AGPAT4: variants seen among roughly 807,000 people sequenced by gnomAD.
The protein encoded by AGPAT4 is 1-acylglycerol-3-phosphate O-acyltransferase 4.
Under a neutral mutation model 48.0 loss-of-function variants are expected in AGPAT4, and 15 were observed. The ratio of observed to expected loss-of-function variants is 0.31; its 90% CI spans 0.21 to 0.48. AGPAT4 has a LOEUF of 0.48. Ranked by LOEUF, AGPAT4 falls within the 20% of genes least tolerant of loss-of-function variation. AGPAT4 has a pLI of 0.99. For missense variants in AGPAT4, 314 were observed against 482.5 expected, an observed-to-expected ratio of 0.65 and a Z score of 3.27; for synonymous variants, 178 against 198.7, an observed-to-expected ratio of 0.90 and a Z score of 0.88.
rs1162357202 is a variant in AGPAT4, at chr6:161,206,210, AC to A, written c.178+25825del. 6.6e-6 allele frequency among the ~76,000 whole-genome samples: 1 copy of A among 151,894 alleles called. No homozygotes were observed. The highest frequency in any genetic ancestry group is 1.5e-5 in the Non-Finnish European group (1 of 67,976). On this transcript the variant is annotated intron_variant, in intron 2 of 8. Coordinates refer to ENST00000320285, the MANE Select transcript of AGPAT4 (RefSeq NM_020133.3). The surrounding 1 kb of genome is among the most constrained non-coding windows in gnomAD (Gnocchi z 4.8). ...ATGGAAAAACTGTGGCCCTACCCCA[AC>A]CCCCCATCAGCAAAGGTTGGGGTGG...
rs1225302917 is a variant in AGPAT4, at chr6:161,231,316, G to A, written c.178+720C>T. 6.6e-6 allele frequency among the ~76,000 whole-genome samples: 1 copy of A among 152,070 alleles called. No homozygotes were observed. Among genetic ancestry groups the A allele is most frequent in the Non-Finnish European group, 1.5e-5 (1 of 68,016 alleles). On this transcript the variant is annotated intron_variant, in intron 2 of 8. Transcript: ENST00000320285. This position sits in a 1 kb window ranked among gnomAD's most constrained non-coding sequence, Gnocchi z 5.3. ...CATCTTTTTAATTGTTGAAACTCAG[G>A]CCAGTCAAATTAGTCATGTATGAAA...
rs1026713423 is a variant in AGPAT4 at position 161,166,758 on chromosome 6, G to A, written c.179-341C>T. On this transcript the variant is annotated intron_variant, in intron 2 of 8. Transcript: ENST00000320285. This position sits in a 1 kb window ranked among gnomAD's most constrained non-coding sequence, Gnocchi z 6.7. Reference sequence around the variant, plus strand: ...TACAGAGCTCTGAAAGGCAGCGTGAGATGAGGTATAGAATTCTTAATATCC... The same window carrying A: ...TACAGAGCTCTGAAAGGCAGCGTGAAATGAGGTATAGAATTCTTAATATCC... Among the ~76,000 whole-genome samples the A allele has an allele frequency of 3.3e-5, 5 of 152,214 alleles. No individual in the cohort carries two copies. The highest frequency in any genetic ancestry group is 1.2e-4 in the African/African-American group (5 of 41,458).
chr6:161,207,173 T>C (rs898386742), intron 2 of AGPAT4, among the ~76,000 whole-genome samples: 8 of 152,186 alleles, frequency 5.3e-5, no homozygotes, highest in Non-Finnish European at 1.2e-4. Context: ...GACAATCAAT[T>C]AGTGATTCCA....
In AGPAT4 at chr6:161,245,210, T is replaced by C. The variant is rs1334332324; in HGVS notation, c.-89-12908A>G. On this transcript the variant is annotated intron_variant, in intron 1 of 8. Transcript: ENST00000320285. The surrounding 1 kb of genome is among the most constrained non-coding windows in gnomAD (Gnocchi z 5.2). ...GGGACCTGAGTGTGATTCTTGATCG[T>C]TGATCCTCATCCCTTTGGTCACGTC... 2.0e-5 allele frequency among the ~76,000 whole-genome samples: 3 copies of C among 152,218 alleles called. No individual in the cohort carries two copies. Among genetic ancestry groups the C allele is most frequent in the African/African-American group, 7.2e-5 (3 of 41,448 alleles).
At position 161,270,488 on chromosome 6, in the gene AGPAT4, G is replaced by A. The variant is rs1783390024; in HGVS notation, c.-90+3450C>T. On this transcript the variant is annotated intron_variant, in intron 1 of 8. Coordinates refer to ENST00000320285, the MANE Select transcript of AGPAT4 (RefSeq NM_020133.3). This position sits in a 1 kb window ranked among gnomAD's most constrained non-coding sequence, Gnocchi z 5.3. ...ACACCATTCAGAAATGTGAATGTGG[G>A]CCAGGCACGGTGGCTCACGCCTGTA... is the stretch of plus-strand genomic sequence containing the variant. 6.6e-6 allele frequency among the ~76,000 whole-genome samples: 1 copy of A among 152,188 alleles called. No individual in the cohort carries two copies. Among genetic ancestry groups the A allele is most frequent in the Non-Finnish European group, 1.5e-5 (1 of 68,032 alleles).
In AGPAT4 at chr6:161,212,864, T is replaced by C. The variant is rs1346749778; in HGVS notation, c.178+19172A>G. On this transcript the variant is annotated intron_variant, in intron 2 of 8. Transcript: ENST00000320285. This position sits in a 1 kb window ranked among gnomAD's most constrained non-coding sequence, Gnocchi z 6.1. ...AACTAACTTATAACAATACAGTTAT[T>C]TGCATAAGTGCAGTAAGAATCAATT... Among the ~76,000 whole-genome samples, 1 of 152,248 alleles carries C rather than the reference T, an allele frequency of 6.6e-6. No individual in the cohort carries two copies. The highest frequency in any genetic ancestry group is 1.5e-5 in the Non-Finnish European group (1 of 68,044).
Position 161,246,654 on chromosome 6 carries a change from C to T in AGPAT4, c.-89-14352G>A, listed in dbSNP as rs889252164. ...GAACTCCCAATCTCAGGTGATCCAC[C>T]GCACCCAGCCTAGCACAGGGGATTC... On this transcript the variant is annotated intron_variant, in intron 1 of 8. Transcript: ENST00000320285. The surrounding 1 kb of genome is among the most constrained non-coding windows in gnomAD (Gnocchi z 5.5). Among the ~76,000 whole-genome samples the T allele has an allele frequency of 4.6e-5, 7 of 152,172 alleles. No homozygotes were observed. The highest frequency in any genetic ancestry group is 9.7e-5 in the African/African-American group (4 of 41,426).
rs1782835695 is a variant in AGPAT4, at chr6:161,252,668, G to A, written c.-89-20366C>T. Among the ~76,000 whole-genome samples, 6 of 123,054 alleles carry A rather than the reference G, an allele frequency of 4.9e-5. No individual in the cohort carries two copies. In the Admixed American group the frequency reaches 5.0e-4, roughly 10 times the overall value. The allele number at this position is 123,054 out of a possible 152,430, so 80.7% of individuals were successfully genotyped here. ...TGACAAAAAATACAAAAATAAGCTG[G>A]TCATGGTGGTGCACATCTGTGGTCC... On this transcript the variant is annotated intron_variant, in intron 1 of 8. Coordinates refer to ENST00000320285, the MANE Select transcript of AGPAT4 (RefSeq NM_020133.3).
chr6:161,211,809 C>T (rs1421932538), intron 2 of AGPAT4, among the ~76,000 whole-genome samples: 3 of 152,022 alleles, frequency 2.0e-5, no homozygotes, highest in Admixed American at 6.6e-5. Context: ...AAAAATGACA[C>T]CAAATCCTAC....
At position 161,204,357 on chromosome 6, in the gene AGPAT4, T is replaced by G. The variant is rs1024410952; in HGVS notation, c.178+27679A>C. On this transcript the variant is annotated intron_variant, in intron 2 of 8. Transcript: ENST00000320285. The surrounding 1 kb of genome is among the most constrained non-coding windows in gnomAD (Gnocchi z 4.4). ...CAATCACTGCATTCTCAAAATTTCTTTCAAACTGAACCAGTGCCTTATTGT... is the reference window on the plus strand; with the variant it reads ...CAATCACTGCATTCTCAAAATTTCTGTCAAACTGAACCAGTGCCTTATTGT... Among the ~76,000 whole-genome samples the G allele has an allele frequency of 6.6e-6, 1 of 152,206 alleles. No individual in the cohort carries two copies. The highest frequency in any genetic ancestry group is 6.5e-5 in the Admixed American group (1 of 15,282).
At position 161,251,832 on chromosome 6, in the gene AGPAT4, A is replaced by C. The variant is rs1782812764; in HGVS notation, c.-89-19530T>G. ...TTCTGCAGGAGGAACAAAAGCAGAG[A>C]GGGGGAGCAGCCATTTAGATTCTTC... On this transcript the variant is annotated intron_variant, in intron 1 of 8. Coordinates refer to ENST00000320285, the MANE Select transcript of AGPAT4 (RefSeq NM_020133.3). The surrounding 1 kb of genome is among the most constrained non-coding windows in gnomAD (Gnocchi z 4.6). Among the ~76,000 whole-genome samples, 1 of 152,180 alleles carries C rather than the reference A, an allele frequency of 6.6e-6. No individual in the cohort carries two copies. Among genetic ancestry groups the C allele is most frequent in the Non-Finnish European group, 1.5e-5 (1 of 68,026 alleles).
At chr6:161,252,840 C>T (rs946083578) in intron 1 of AGPAT4, among the ~76,000 whole-genome samples, 11 of 151,778 alleles carry the variant, frequency 7.2e-5, no homozygotes, top group Non-Finnish European at 1.3e-4. Context: ...TAAGTCAGAA[C>T]AGAACGACTT....
At chr6:161,268,996 C>T (rs367983824) in intron 1 of AGPAT4, among the ~76,000 whole-genome samples, 1 of 152,202 alleles carries the variant, frequency 6.6e-6, no homozygotes, top group African/African-American at 2.4e-5. Context: ...TTTATCAGAA[C>T]AAGACAGAGA....
At chr6:161,228,675 A>AAAAAAAAAAAAAAAAAC (rs1782047986) in intron 2 of AGPAT4, among the ~76,000 whole-genome samples, 1 of 150,806 alleles carries the variant, frequency 6.6e-6, no homozygotes, top group Non-Finnish European at 1.5e-5. Context: ...AAAAAAAAAA[A>AAAAAAAAAAAAAAAAAC]AAGCCAGTCT....
rs1378525905 is a variant in AGPAT4 at position 161,134,526 on chromosome 6, T to C, written c.*2014A>G. ...TTAGGATTCTTAAAGTGTGCTCTTT[T>C]ACCCTTGACACACCCCAAGAGGTAG... On this transcript the variant is annotated 3_prime_UTR_variant, in exon 9 of 9. Coordinates refer to ENST00000320285, the MANE Select transcript of AGPAT4 (RefSeq NM_020133.3). The C allele has an allele frequency of 6.6e-6, 1 of 152,200 alleles. No individual in the cohort carries two copies. Among genetic ancestry groups the C allele is most frequent in the African/African-American group, 2.4e-5 (1 of 41,448 alleles). 9.4% of individuals were successfully genotyped at this position (152,200 alleles called of 1,614,324 possible). A position where few individuals can be genotyped will look rare whatever the true frequency, so the allele number is the denominator to read the frequency against.
Position 161,154,736 on chromosome 6 carries a change from G to A in AGPAT4, c.349-426C>T, listed in dbSNP as rs1174197548. On this transcript the variant is annotated intron_variant, in intron 3 of 8. Coordinates refer to ENST00000320285, the MANE Select transcript of AGPAT4 (RefSeq NM_020133.3). The surrounding 1 kb of genome is among the most constrained non-coding windows in gnomAD (Gnocchi z 7.8). ...TTCTGCAGATCTCACTGAGTTTTGTGATATTACAAAATATAGTAATTCTTG... is the reference window on the plus strand; with the variant it reads ...TTCTGCAGATCTCACTGAGTTTTGTAATATTACAAAATATAGTAATTCTTG... Among the ~76,000 whole-genome samples, 3 of 152,222 alleles carry A rather than the reference G, an allele frequency of 2.0e-5. No homozygotes were observed. Among genetic ancestry groups the A allele is most frequent in the African/African-American group, 7.2e-5 (3 of 41,454 alleles).
intron 5 of AGPAT4, among the ~76,000 whole-genome samples, chr6:161,153,061 C>A (rs1435574147): frequency 6.6e-6 from 1 of 152,176 alleles, no homozygotes; most frequent in Non-Finnish European, 1.5e-5. Flanking sequence ...CCAGGTTACC[C>A]CATGGGCCAT....
chr6:161,211,784 T>C (rs1388642214), intron 2 of AGPAT4, among the ~76,000 whole-genome samples: 1 of 152,172 alleles, frequency 6.6e-6, no homozygotes, highest in African/African-American at 2.4e-5. Context: ...TTACAGGATT[T>C]TGAGTCCTGG....
At position 161,236,374 on chromosome 6, in the gene AGPAT4, A is replaced by T. The variant is rs1400906929; in HGVS notation, c.-89-4072T>A. On this transcript the variant is annotated intron_variant, in intron 1 of 8. Transcript: ENST00000320285. This position sits in a 1 kb window ranked among gnomAD's most constrained non-coding sequence, Gnocchi z 5.0. The stretch of plus-strand genomic sequence containing the variant: ...TGCCTTTTTCTGGGTTTTGGTACTC[A>T]TGAAATGAAACAGCAGGTGTTTTCC... Among the ~76,000 whole-genome samples, 1 of 152,192 alleles carries T rather than the reference A, an allele frequency of 6.6e-6. No homozygotes were observed.
Sources: allele counts gnomAD v4.1 joint callset (sites outside exome capture counted in the v4.1 genomes callset), GRCh38; gene constraint gnomAD v4.1.1; non-coding constraint Gnocchi (gnomAD v3.1); transcripts MANE v1.5; gene names NCBI Gene and HGNC (gene_info 2026-07-23, HGNC 2026-07-21).